WDR81: variants seen among roughly 807,000 people sequenced by gnomAD.
WDR81 encodes the protein WD repeat domain 81, also known as WD repeat-containing protein 81.
Under a neutral mutation model 140.8 loss-of-function variants are expected in WDR81, and 92 were observed. The ratio of observed to expected loss-of-function variants is 0.65; its 90% CI spans 0.55 to 0.78. The LOEUF is 0.78. Ranked by LOEUF, WDR81 falls within the 30% of genes least tolerant of loss-of-function variation. The probability of loss-of-function intolerance (pLI) is 0.00; values close to 1 mark genes in which losing one functional copy is unlikely to be tolerated. For synonymous variants in WDR81, 1,183 were observed against 1,156.4 expected, an observed-to-expected ratio of 1.02 and a Z score of -0.47; for missense variants, 2,502 against 2,636.4, an observed-to-expected ratio of 0.95 and a Z score of 1.12.
chr17:1,735,158 G>A lies in WDR81; in HGVS notation c.5180-414G>A, dbSNP rs1411091178. On this transcript the variant is annotated intron_variant, in intron 7 of 9. Coordinates refer to ENST00000409644, the MANE Select transcript of WDR81 (RefSeq NM_001163809.2). The surrounding 1 kb of genome is among the most constrained non-coding windows in gnomAD (Gnocchi z 4.2). Reference sequence around the variant, plus strand: ...AAGAATACAAAAAAAGGCCGGACGCGGTGGCTCACGCCTGTAATCCCAGCA... The same window carrying A: ...AAGAATACAAAAAAAGGCCGGACGCAGTGGCTCACGCCTGTAATCCCAGCA... Among the ~76,000 whole-genome samples, 3 of 151,936 alleles carry A rather than the reference G, an allele frequency of 2.0e-5. No homozygotes were observed. Among genetic ancestry groups the A allele is most frequent in the African/African-American group, 4.8e-5 (2 of 41,356 alleles).
Position 1,736,026 on chromosome 17 carries a change from C to G in WDR81, c.5326-13C>G. On this transcript the variant is annotated splice_polypyrimidine_tract_variant and intron_variant, in intron 8 of 9. Transcript: ENST00000409644. ...GAAGGTGGTGCCTCAGCTCAGCCGC[C>G]CTCTCCCTGCAGCACGAGTTCCGAC... 6.3e-7 allele frequency: 1 copy of G among 1,584,244 alleles called. No individual in the cohort carries two copies.
Position 1,725,302 on chromosome 17 carries a change from CTG to C in WDR81, c.345_346del (p.Ser116LeufsTer10). ...VEVHGLRKRR[L>X]SYPLGGGLPF... ...GGTGCATGGGCTGCGGAAGCGGAGA[CTG>C]TCCTACCCTCTGGGCGGGGGCCTGC... On this transcript the variant is annotated frameshift_variant, in exon 1 of 10. Coordinates refer to ENST00000409644, the MANE Select transcript of WDR81 (RefSeq NM_001163809.2). LOFTEE classifies it high-confidence loss of function. 6.5e-7 allele frequency: 1 copy of C among 1,548,074 alleles called. No individual in the cohort carries two copies. Among genetic ancestry groups the C allele is most frequent in the East Asian group, 2.4e-5 (1 of 40,920 alleles).
In WDR81 at chr17:1,724,712, C is replaced by G. The variant is rs1027211960; in HGVS notation, c.-248C>G. On this transcript the variant is annotated 5_prime_UTR_variant, in exon 1 of 10. Coordinates refer to ENST00000409644, the MANE Select transcript of WDR81 (RefSeq NM_001163809.2). Reference sequence around the variant, plus strand: ...ATCACGTGACCCGCGTCAGCTGACCCGTCACGGTGGAGCCCGGTGCTCGCG... The same window carrying G: ...ATCACGTGACCCGCGTCAGCTGACCGGTCACGGTGGAGCCCGGTGCTCGCG... The G allele has an allele frequency of 3.7e-6, 4 of 1,090,350 alleles. No homozygotes were observed. The highest frequency in any genetic ancestry group is 4.4e-6 in the Non-Finnish European group (4 of 899,062). 67.5% of individuals were successfully genotyped at this position (1,090,350 alleles called of 1,614,324 possible). A position where few individuals can be genotyped will look rare whatever the true frequency, so the allele number is the denominator to read the frequency against.
chr17:1,733,823 G>C lies in WDR81; in HGVS notation c.4786G>C (p.Gly1596Arg). Residue 1596 changes from glycine (G) to arginine (R), a missense_variant, in exon 7 of 10, where the codon GGG becomes CGG. Physicochemically the swap from Gly to Arg is moderately radical, Grantham distance 125 (BLOSUM62 -2). This residue lies in a region of WDR81 where 1,737 missense variants were observed against 1,843.0 expected (regional missense o/e 0.94). Transcript: ENST00000409644. ...SGVGGGGLGS[G>R]SDDNALKQEL... ...GGTGGGTGGCGGGGGCCTGGGCAGC[G>C]GGAGCGACGACAACGCCCTGAAGCA... 6.2e-7 allele frequency: 1 copy of C among 1,612,364 alleles called. No homozygotes were observed. Among genetic ancestry groups the C allele is most frequent in the Non-Finnish European group, 8.5e-7 (1 of 1,179,694 alleles).
chr17:1,736,149 C>G lies in WDR81; in HGVS notation c.5436C>G (p.Leu1812=). 6.2e-7 allele frequency: 1 copy of G among 1,601,876 alleles called. No individual in the cohort carries two copies. Among genetic ancestry groups the G allele is most frequent in the South Asian group, 1.1e-5 (1 of 91,074 alleles). ...GCTTCTCCTCAGGCTTCATGGTGCT[C>G]CTGGACACCCGCACAGGCCTGGTTC... ...VAGFSSGFMV[L]LDTRTGLVLR... The change falls in exon 9 of 10, where the codon CTC becomes CTG. Residue 1812 remains leucine, a synonymous_variant. Coordinates refer to ENST00000409644, the MANE Select transcript of WDR81 (RefSeq NM_001163809.2).
chr17:1,737,747 C>G lies in WDR81; in HGVS notation c.*62C>G. On this transcript the variant is annotated 3_prime_UTR_variant, in exon 10 of 10. Coordinates refer to ENST00000409644, the MANE Select transcript of WDR81 (RefSeq NM_001163809.2). ...CATCTGCGGGCGCGTGTCCACTCAC[C>G]CTGTTCCCTGAGCAGCAGCTCCCTC... is the stretch of plus-strand genomic sequence containing the variant. 6.6e-7 allele frequency: 1 copy of G among 1,511,294 alleles called. No homozygotes were observed. Among genetic ancestry groups the G allele is most frequent in the South Asian group, 1.3e-5 (1 of 77,284 alleles). 93.6% of individuals were successfully genotyped at this position (1,511,294 alleles called of 1,614,324 possible). A position where few individuals can be genotyped will look rare whatever the true frequency, so the allele number is the denominator to read the frequency against.
upstream of WDR81, among the ~76,000 whole-genome samples, chr17:1,723,644 G>A (rs781096481): frequency 6.6e-6 from 1 of 151,526 alleles, no homozygotes; most frequent in Non-Finnish European, 1.5e-5. Context: ...CCCCACCACG[G>A]CCAGGTAATT....
chr17:1,717,498 T>G (rs1914639310), intron 1 of WDR81, among the ~76,000 whole-genome samples: 1 of 152,156 alleles, frequency 6.6e-6, no homozygotes, highest in Admixed American at 6.5e-5. Flanking sequence ...CATCAGGTAA[T>G]TGATAAGGTT....
intron 9 of WDR81, 147 bp from the exon 10 acceptor site, chr17:1,737,218 T>G: frequency 3.0e-6 from 2 of 670,966 alleles, no homozygotes. Context: ...GTGAATATGG[T>G]GTGTGTGGGA....
rs769136952 is a variant in WDR81 at position 1,735,552 on chromosome 17, A to C, written c.5180-20A>C. 6.3e-7 allele frequency: 1 copy of C among 1,583,962 alleles called. No homozygotes were observed. Among genetic ancestry groups the C allele is most frequent in the South Asian group, 1.1e-5 (1 of 87,700 alleles). ...CGTCAGCTGCTGGGACCCCAGATCC[A>C]CTGTGACTTTCCTTCCCAGGGAAGA... On this transcript the variant is annotated intron_variant, in intron 7 of 9. Coordinates refer to ENST00000409644, the MANE Select transcript of WDR81 (RefSeq NM_001163809.2). The surrounding 1 kb of genome is among the most constrained non-coding windows in gnomAD (Gnocchi z 4.2).
rs1904434262 is a variant in WDR81 at position 1,732,474 on chromosome 17, A to G, written c.4307A>G (p.His1436Arg). ...ATFFQVFSQLHELRQQDLKLD... is the reference protein window; with the variant it reads ...ATFFQVFSQLRELRQQDLKLD... ...TTTTTCCAGGTCTTCTCTCAGCTGC[A>G]TGAGCTTCGGCAACAGGTGGGCAGA... The change falls in exon 5 of 10, where the codon CAT (histidine) becomes CGT (arginine). Residue 1436 changes from histidine to arginine, a missense_variant. Physicochemically the swap from His to Arg is conservative, Grantham distance 29. This residue lies in a region of WDR81 where 1,737 missense variants were observed against 1,843.0 expected (regional missense o/e 0.94). Coordinates refer to ENST00000409644, the MANE Select transcript of WDR81 (RefSeq NM_001163809.2). 2 of 1,560,558 alleles carry G rather than the reference A, an allele frequency of 1.3e-6. No homozygotes were observed. Among genetic ancestry groups the G allele is most frequent in the Non-Finnish European group, 1.7e-6 (2 of 1,147,582 alleles).
In WDR81 at chr17:1,730,828, G is replaced by A; in HGVS notation, c.3849G>A (p.Lys1283=). ...PPLSAGNIYQ[K]RPVLGDIVSG... ...TGAGCGCCGGCAACATCTACCAGAA[G>A]AGGCCGGTCCTGGGCGACATCGTGT... The change falls in exon 3 of 10, where the codon AAG becomes AAA. Residue 1283 remains lysine (K), a synonymous_variant. Coordinates refer to ENST00000409644, the MANE Select transcript of WDR81 (RefSeq NM_001163809.2). 1 of 1,612,750 alleles carries A rather than the reference G, an allele frequency of 6.2e-7. No homozygotes were observed. The highest frequency in any genetic ancestry group is 8.5e-7 in the Non-Finnish European group (1 of 1,179,974).
At chr17:1,720,689 T>C (rs2151155928), upstream of WDR81, among the ~76,000 whole-genome samples, 2 of 150,160 alleles carry the variant, frequency 1.3e-5, no homozygotes, top group East Asian at 2.0e-4. Flanking sequence ...TGCTTGAACC[T>C]GGGCGGTGAA....
In WDR81 at chr17:1,732,377, C is replaced by A. The variant is rs765751370; in HGVS notation, c.4210C>A (p.Leu1404Ile). 6.2e-7 allele frequency: 1 copy of A among 1,613,670 alleles called. No individual in the cohort carries two copies. Among genetic ancestry groups the A allele is most frequent in the Non-Finnish European group, 8.5e-7 (1 of 1,180,032 alleles). The change falls in exon 5 of 10, where the codon CTC becomes ATC. Residue 1404 changes from leucine to isoleucine, a missense_variant. Physicochemically the swap from Leu to Ile is conservative, Grantham distance 5. This residue lies in a region of WDR81 where 1,737 missense variants were observed against 1,843.0 expected (regional missense o/e 0.94). Coordinates refer to ENST00000409644, the MANE Select transcript of WDR81 (RefSeq NM_001163809.2). ...CATCCTGTGTGTGAAAACCATCAGC[C>A]TCATCGCCCTCATCTGCCTGCGCAT... is the stretch of plus-strand genomic sequence containing the variant. ...RTILCVKTIS[L>I]IALICLRIGQ...
chr17:1,723,459 T>A (rs74710944), upstream of WDR81, among the ~76,000 whole-genome samples: 9,804 of 51,712 alleles, frequency 0.19, 481 homozygotes, highest in South Asian at 0.32. Flanking sequence ...TTATTTATTT[T>A]TATTTATTTA....
At position 1,730,461 on chromosome 17, in the gene WDR81, T is replaced by C; in HGVS notation, c.3749T>C (p.Leu1250Pro). 6.2e-7 allele frequency: 1 copy of C among 1,613,254 alleles called. No individual in the cohort carries two copies. The highest frequency in any genetic ancestry group is 8.5e-7 in the Non-Finnish European group (1 of 1,179,930). Reference protein sequence around the residue: ...VASRHVARNLLRLLTSCYVGP... With the variant: ...VASRHVARNLPRLLTSCYVGP... The stretch of plus-strand genomic sequence containing the variant: ...TCTCGCCACGTGGCCCGGAACCTGC[T>C]CCGCCTGCTGACGTCTTGTTATGTT... Residue 1250 changes from leucine to proline, a missense_variant, in exon 2 of 10, where the codon CTC becomes CCC. Physicochemically the swap from Leu to Pro is moderately conservative, Grantham distance 98 (BLOSUM62 -3). Transcript: ENST00000409644.
In WDR81 at chr17:1,717,173, T is replaced by C. The variant is rs541818133; in HGVS notation, c.-124+540T>C. On this transcript the variant is annotated intron_variant, in intron 1 of 10. Transcript: ENST00000309182. ...AAGCTCTTCACTGACTCAGGCCTAC[T>C]TAGGGAAGAGATTCGAAGGTGGAGA... The C allele has an allele frequency of 1.2e-3, 180 of 155,092 alleles. 1 individual carries two copies. The highest frequency in any genetic ancestry group is 3.4e-3 in the Middle Eastern group (1 of 294). The allele number at this position is 155,092 out of a possible 1,614,324, so 9.6% of individuals were successfully genotyped here.
At position 1,725,275 on chromosome 17, in the gene WDR81, G is replaced by A. The variant is rs909470717; in HGVS notation, c.316G>A (p.Glu106Lys). The A allele has an allele frequency of 1.5e-5, 23 of 1,545,932 alleles. No individual in the cohort carries two copies. Among genetic ancestry groups the A allele is most frequent in the East Asian group, 4.9e-5 (2 of 40,932 alleles). The part of the protein sequence containing the change: ...QRLPAGWTRV[E>K]VHGLRKRRLS... Reference sequence around the variant, plus strand: ...GCTGCCTGCCGGCTGGACGCGCGTGGAGGTGCATGGGCTGCGGAAGCGGAG... The same window carrying A: ...GCTGCCTGCCGGCTGGACGCGCGTGAAGGTGCATGGGCTGCGGAAGCGGAG... The change falls in exon 1 of 10, where the codon GAG becomes AAG. Residue 106 changes from glutamate (E) to lysine (K), a missense_variant. Coordinates refer to ENST00000409644, the MANE Select transcript of WDR81 (RefSeq NM_001163809.2).
At chr17:1,721,597 C>T (rs953203601), upstream of WDR81, among the ~76,000 whole-genome samples, 3 of 149,848 alleles carry the variant, frequency 2.0e-5, no homozygotes, top group Non-Finnish European at 3.0e-5. Flanking sequence ...CGAGATGGGC[C>T]GATTGCTTGA....
Sources: allele counts gnomAD v4.1 joint callset (sites outside exome capture counted in the v4.1 genomes callset), GRCh38; gene constraint gnomAD v4.1.1; regional missense constraint gnomAD v4.1.1; non-coding constraint Gnocchi (gnomAD v3.1); transcripts MANE v1.5; gene names NCBI Gene and HGNC (gene_info 2026-07-23, HGNC 2026-07-21).